The following KIF26B variants were observed in gnomAD, a reference collection of about 807,000 sequenced individuals.
KIF26B encodes kinesin family member 26B, also known as kinesin-like protein KIF26B.
In KIF26B, 63 loss-of-function variants were observed where a neutral mutation model predicts 151.2. The observed-to-expected ratio is 0.42, with a 90% confidence interval of 0.34 to 0.51. KIF26B has a LOEUF of 0.51. Among genes scored for constraint, KIF26B ranks in the 20% least tolerant of loss-of-function variants. The probability of loss-of-function intolerance (pLI) is 0.07; values close to 1 mark genes in which losing one functional copy is unlikely to be tolerated. For synonymous variants in KIF26B, 1,357 were observed against 1,262.1 expected (o/e 1.08, Z -1.59); for missense variants, 2,813 against 2,913.6 (o/e 0.97, Z 0.79).
At chr1:245,556,244 C>G (rs1662023702) in intron 5 of KIF26B, among the ~76,000 whole-genome samples, 1 of 142,134 alleles carries the variant, frequency 7.0e-6, no homozygotes, top group African/African-American at 2.5e-5. Flanking sequence ...TCTTCTTCCT[C>G]CTTCTTCCTC....
intron 6 of KIF26B, among the ~76,000 whole-genome samples, chr1:245,603,389 TTAATACAG>T (rs2043417629): frequency 6.6e-6 from 1 of 152,196 alleles, no homozygotes; most frequent in Non-Finnish European, 1.5e-5. Flanking sequence ...AATTCAGTGC[TTAATACAG>T]TAAGCATTTA....
In KIF26B at chr1:245,512,259, T is replaced by C. The variant is rs1660854196; in HGVS notation, c.1167-28508T>C. Among the ~76,000 whole-genome samples, 1 of 152,008 alleles carries C rather than the reference T, an allele frequency of 6.6e-6. No homozygotes were observed. Among genetic ancestry groups the C allele is most frequent in the Non-Finnish European group, 1.5e-5 (1 of 67,994 alleles). On this transcript the variant is annotated intron_variant, in intron 4 of 14. Coordinates refer to ENST00000407071, the MANE Select transcript of KIF26B (RefSeq NM_018012.4). The surrounding 1 kb of genome is among the most constrained non-coding windows in gnomAD (Gnocchi z 4.3). ...ACATTCATACCTCAGGCAGAGCTAC[T>C]GTCCCTCCCACCTGTCCACCCTGCC...
chr1:245,347,104 C>T (rs1453277169), intron 2 of KIF26B, among the ~76,000 whole-genome samples: 1 of 152,170 alleles, frequency 6.6e-6, no homozygotes, highest in South Asian at 2.1e-4. Context: ...GCCGTGGTGA[C>T]TGTTTCCAGT....
At chr1:245,185,525 C>T (rs989049860) in intron 2 of KIF26B, among the ~76,000 whole-genome samples, 6 of 152,250 alleles carry the variant, frequency 3.9e-5, no homozygotes, top group South Asian at 4.2e-4. Flanking sequence ...GTCATTACCC[C>T]AAAAGTCAGC....
intron 2 of KIF26B, among the ~76,000 whole-genome samples, chr1:245,344,575 G>A (rs1264945749): frequency 3.3e-5 from 5 of 151,684 alleles, no homozygotes; most frequent in Non-Finnish European, 4.4e-5. Context: ...GCTGGAAAAG[G>A]GCAATCACTC....
At chr1:245,233,372 T>G (rs1670035367) in intron 2 of KIF26B, among the ~76,000 whole-genome samples, 5 of 152,194 alleles carry the variant, frequency 3.3e-5, no homozygotes, top group Admixed American at 3.3e-4. Flanking sequence ...TATGCACAAT[T>G]TCATATGTAA....
At chr1:245,256,349 C>T (rs1403267385) in intron 2 of KIF26B, among the ~76,000 whole-genome samples, 1 of 152,204 alleles carries the variant, frequency 6.6e-6, no homozygotes, top group Non-Finnish European at 1.5e-5. Context: ...CACATTGTCT[C>T]AGGACACCTG....
At chr1:245,497,745 A>G (rs1164426452) in intron 4 of KIF26B, among the ~76,000 whole-genome samples, 1 of 152,096 alleles carries the variant, frequency 6.6e-6, no homozygotes, top group African/African-American at 2.4e-5. Flanking sequence ...AAGGACTGTT[A>G]TTTATTTATT....
At chr1:245,298,849 G>A (rs749218369) in intron 2 of KIF26B, among the ~76,000 whole-genome samples, 7 of 152,184 alleles carry the variant, frequency 4.6e-5, no homozygotes, top group Non-Finnish European at 1.0e-4. Context: ...CATGATCCGC[G>A]AGCTGTTTCG....
intron 2 of KIF26B, among the ~76,000 whole-genome samples, chr1:245,295,649 AG>A (rs1388060036): frequency 1.3e-5 from 2 of 152,226 alleles, no homozygotes; most frequent in Admixed American, 6.5e-5. Context: ...TGAACTGGGA[AG>A]AGATCATTTG....
At chr1:245,303,435 T>C (rs1049047204) in intron 2 of KIF26B, among the ~76,000 whole-genome samples, 2 of 150,790 alleles carry the variant, frequency 1.3e-5, no homozygotes, top group Non-Finnish European at 2.9e-5. Context: ...CCTGACCTCG[T>C]GATCCGCCCG....
chr1:245,290,935 T>G (rs1010595288), intron 2 of KIF26B, among the ~76,000 whole-genome samples: 2 of 152,272 alleles, frequency 1.3e-5, no homozygotes, highest in African/African-American at 4.8e-5. Context: ...TGGTTTCAGC[T>G]GGGCTCCCTC....
chr1:245,497,618 C>T (rs918827220), intron 4 of KIF26B, among the ~76,000 whole-genome samples: 11 of 152,150 alleles, frequency 7.2e-5, no homozygotes, highest in African/African-American at 2.2e-4. Context: ...ACACGTCAAG[C>T]GCTAACTAAC....
chr1:245,200,121 A>G (rs6428904), intron 2 of KIF26B, among the ~76,000 whole-genome samples: 25,073 of 152,174 alleles, frequency 0.16, 2,148 homozygotes, highest in Middle Eastern at 0.23. Context: ...CCACACGACT[A>G]TTTCTTTAGT....
chr1:245,682,238 C>T (rs1383530118), intron 10 of KIF26B, among the ~76,000 whole-genome samples: 1 of 152,172 alleles, frequency 6.6e-6, no homozygotes, highest in East Asian at 1.9e-4. Flanking sequence ...GAGCAAGAGT[C>T]TGTCTTAGGA....
chr1:245,684,158 C>T, intron 10 of KIF26B, 75 bp from the exon 11 acceptor site: 1 of 1,509,638 alleles, frequency 6.6e-7, no homozygotes, highest in Non-Finnish European at 9.0e-7. Flanking sequence ...TGGCCGTGTG[C>T]AGGCCTGAAG....
At chr1:245,405,470 G>T (rs1674113347) in intron 3 of KIF26B, among the ~76,000 whole-genome samples, 1 of 152,162 alleles carries the variant, frequency 6.6e-6, no homozygotes, top group South Asian at 2.1e-4. Flanking sequence ...TTTGCAACTA[G>T]GATGCAGAGA....
intron 4 of KIF26B, among the ~76,000 whole-genome samples, chr1:245,429,845 C>T (rs1658736614): frequency 1.3e-5 from 2 of 152,184 alleles, no homozygotes; most frequent in South Asian, 4.1e-4. Context: ...GGACACCTGA[C>T]CTCAGGTGAT....
chr1:245,190,723 G>A (rs889223133), intron 2 of KIF26B, among the ~76,000 whole-genome samples: 2 of 146,514 alleles, frequency 1.4e-5, no homozygotes, highest in Non-Finnish European at 3.0e-5. Flanking sequence ...GAAGAAAGTA[G>A]TCATTTTCCC....
Sources: allele counts gnomAD v4.1 joint callset (sites outside exome capture counted in the v4.1 genomes callset), GRCh38; gene constraint gnomAD v4.1.1; non-coding constraint Gnocchi (gnomAD v3.1); transcripts MANE v1.5; gene names NCBI Gene and HGNC (gene_info 2026-07-23, HGNC 2026-07-21).